Variants in FAT1 observed in about 807,000 individuals in gnomAD.
The protein encoded by FAT1 is protocadherin Fat 1.
FAT1 carries 171 observed loss-of-function variants against 329.8 expected under a neutral mutation model. That is an observed-to-expected ratio of 0.52 (90% CI 0.46 to 0.59). The LOEUF is 0.59. Among genes scored for constraint, FAT1 ranks in the 20% least tolerant of loss-of-function variants. The probability of loss-of-function intolerance (pLI) is 0.00; values close to 1 mark genes in which losing one functional copy is unlikely to be tolerated. For synonymous variants in FAT1, 2,233 were observed against 2,228.6 expected, an observed-to-expected ratio of 1.00 and a Z score of -0.06; for missense variants, 5,672 against 5,774.4, an observed-to-expected ratio of 0.98 and a Z score of 0.57.
At chr4:186,599,190 T>C (rs1339712088) in intron 22 of FAT1, among the ~76,000 whole-genome samples, 1 of 152,200 alleles carries the variant, frequency 6.6e-6, no homozygotes, top group East Asian at 1.9e-4. Context: ...GGGGATGGCC[T>C]GGCCCACTCT....
At chr4:186,622,845 C>T (rs1403981167) in intron 9 of FAT1, among the ~76,000 whole-genome samples, 1 of 152,148 alleles carries the variant, frequency 6.6e-6, no homozygotes, top group Non-Finnish European at 1.5e-5. Flanking sequence ...ATTTATTTTC[C>T]CCAAATGAAC....
chr4:186,707,336 A>G lies in FAT1; in HGVS notation c.2492T>C (p.Val831Ala), dbSNP rs1448535847. The change falls in exon 2 of 27, where the codon GTG becomes GCG. Residue 831 changes from valine (V) to alanine (A), a missense_variant. Coordinates refer to ENST00000441802, the MANE Select transcript of FAT1 (RefSeq NM_005245.4). The part of the protein sequence containing the change: ...EFLQESYFVE[V>A]SEDKEVHSEI... ...ACTATGTACCTCCTTGTCTTCACTC[A>G]CTTCCACAAAATAGCTCTCCTGTAA... 2 of 1,613,774 alleles carry G rather than the reference A, an allele frequency of 1.2e-6. No individual in the cohort carries two copies. The highest frequency in any genetic ancestry group is 3.3e-5 in the Admixed American group (2 of 59,982).
In FAT1 at chr4:186,707,186, C is replaced by T. The variant is rs536104649; in HGVS notation, c.2642G>A (p.Arg881His). Residue 881 changes from arginine to histidine, a missense_variant, in exon 2 of 27, where the codon CGC becomes CAC. Physicochemically the swap from Arg to His is conservative, Grantham distance 29. Coordinates refer to ENST00000441802, the MANE Select transcript of FAT1 (RefSeq NM_005245.4). ...DSVTGVVNIA[R>H]PLDRELQHEH... is the part of the protein sequence containing the mutation. ...ATGCTGCAGCTCTCGATCCAGAGGG[C>T]GTGCGATGTTAACAACACCCGTCAC... 1.2e-5 allele frequency: 19 copies of T among 1,613,894 alleles called. No individual in the cohort carries two copies. The highest frequency in any genetic ancestry group is 1.5e-5 in the Non-Finnish European group (18 of 1,179,890).
At chr4:186,700,889 T>C (rs921283890) in intron 2 of FAT1, among the ~76,000 whole-genome samples, 4 of 152,154 alleles carry the variant, frequency 2.6e-5, no homozygotes, top group Non-Finnish European at 4.4e-5. Flanking sequence ...CCAGTGTCAT[T>C]ACCACTGACA....
intron 2 of FAT1, among the ~76,000 whole-genome samples, chr4:186,680,006 T>G (rs866290924): frequency 1.3e-5 from 2 of 152,228 alleles, no homozygotes; most frequent in African/African-American, 4.8e-5. Flanking sequence ...CTGCTAACTG[T>G]ACCCATTAAT....
intron 3 of FAT1, among the ~76,000 whole-genome samples, chr4:186,654,624 T>C (rs551915970): frequency 2.0e-5 from 3 of 152,168 alleles, no homozygotes; most frequent in Non-Finnish European, 2.9e-5. Flanking sequence ...ATTTTTACTC[T>C]ACAGGTTGGG....
intron 2 of FAT1, among the ~76,000 whole-genome samples, chr4:186,692,544 C>A (rs902134508): frequency 2.6e-5 from 4 of 152,106 alleles, no homozygotes; most frequent in Non-Finnish European, 5.9e-5. Flanking sequence ...GATCTCCTGA[C>A]CTCGTGATCC....
rs1742282995 is a variant in FAT1, at chr4:186,663,541, T to G, written c.3338A>C (p.Asp1113Ala). The stretch of plus-strand genomic sequence containing the variant: ...CGATGAAAGAGGCACGACACCCTGA[T>G]CGGTTGCAAAGACTGTTAGCCAATA... ...SHYWLTVFAT[D>A]QGVVPLSSFI... The change falls in exon 3 of 27, where the codon GAT (aspartate) becomes GCT (alanine). Residue 1113 changes from aspartate (D) to alanine (A), a missense_variant. Physicochemically the swap from Asp to Ala is moderately radical, Grantham distance 126 (BLOSUM62 -2). Transcript: ENST00000441802. 4 of 1,613,758 alleles carry G rather than the reference T, an allele frequency of 2.5e-6. No homozygotes were observed. Among genetic ancestry groups the G allele is most frequent in the East Asian group, 2.2e-5 (1 of 44,876 alleles).
rs1415321227 is a variant in FAT1, at chr4:186,709,848, G to A, written c.-18-3C>T. ...CCCATTGCTTAACTGTCGGGAATCT[G>A]AAACAGAAGAAATCAGAATCGTTAC... On this transcript the variant is annotated splice_polypyrimidine_tract_variant and splice_region_variant and intron_variant, in intron 1 of 26. Coordinates refer to ENST00000441802, the MANE Select transcript of FAT1 (RefSeq NM_005245.4). The A allele has an allele frequency of 4.5e-6, 7 of 1,569,670 alleles. No homozygotes were observed. Among genetic ancestry groups the A allele is most frequent in the African/African-American group, 1.4e-5 (1 of 74,026 alleles).
chr4:186,711,270 G>C (rs555007872), intron 1 of FAT1, among the ~76,000 whole-genome samples: 1 of 152,122 alleles, frequency 6.6e-6, no homozygotes, highest in Non-Finnish European at 1.5e-5. Flanking sequence ...AATTGATATT[G>C]AACCACGTTC....
chr4:186,597,056 A>G lies in FAT1; in HGVS notation c.12484T>C (p.Cys4162Arg). Residue 4162 changes from cysteine to arginine, a missense_variant, in exon 25 of 27, where the codon TGC becomes CGC. By Grantham distance (180) the Cys-to-Arg change is radical. Coordinates refer to ENST00000441802, the MANE Select transcript of FAT1 (RefSeq NM_005245.4). ...NCSHEYRGRH[C>R]EDAAPNQYVS... ...TACTGGTTGGGCGCAGCATCCTCGCAGTGACGTCCCCTGTACTCGTGGCTG... is the reference window on the plus strand; with the variant it reads ...TACTGGTTGGGCGCAGCATCCTCGCGGTGACGTCCCCTGTACTCGTGGCTG... The G allele has an allele frequency of 6.2e-7, 1 of 1,614,022 alleles. No homozygotes were observed. Among genetic ancestry groups the G allele is most frequent in the African/African-American group, 1.3e-5 (1 of 75,058 alleles).
At chr4:186,706,269 C>T (rs1579481668) in intron 2 of FAT1, among the ~76,000 whole-genome samples, 1 of 152,144 alleles carries the variant, frequency 6.6e-6, no homozygotes, top group East Asian at 1.9e-4. Flanking sequence ...TAATAGAGTT[C>T]AAAATAGAGT....
intron 20 of FAT1, 94 bp from the exon 21 acceptor site, chr4:186,601,520 G>C: frequency 1.0e-6 from 1 of 979,262 alleles, no homozygotes; most frequent in Non-Finnish European, 1.5e-6. Flanking sequence ...ACTGATTTAG[G>C]GTTTTATTTA....
intron 11 of FAT1, among the ~76,000 whole-genome samples, chr4:186,616,604 A>G (rs1579324700): frequency 1.3e-5 from 2 of 152,234 alleles, no homozygotes; most frequent in East Asian, 3.9e-4. Flanking sequence ...CACGCTGTCC[A>G]CCTCTGAGCT....
chr4:186,638,286 T>C (rs546695170), intron 4 of FAT1, among the ~76,000 whole-genome samples: 23 of 152,298 alleles, frequency 1.5e-4, no homozygotes, highest in Admixed American at 4.6e-4. Context: ...ACCTAGCCTT[T>C]GATATTCACG....
chr4:186,707,067 T>C lies in FAT1; in HGVS notation c.2761A>G (p.Asn921Asp). 6.2e-7 allele frequency: 1 copy of C among 1,613,962 alleles called. No homozygotes were observed. The highest frequency in any genetic ancestry group is 8.5e-7 in the Non-Finnish European group (1 of 1,179,882). ...GGAATAAATGTAGGTGGGTTGTCAT[T>C]AACATCTTCTAGTGATACTTTCACA... is the stretch of plus-strand genomic sequence containing the variant. ...VVVKVSLEDVNDNPPTFIPPN... is the reference protein window; with the variant it reads ...VVVKVSLEDVDDNPPTFIPPN... The change falls in exon 2 of 27, where the codon AAT becomes GAT. Residue 921 changes from asparagine to aspartate, a missense_variant. This residue lies in a region of FAT1 where 3,966 missense variants were observed against 3,915.2 expected (regional missense o/e 1.01). Coordinates refer to ENST00000441802, the MANE Select transcript of FAT1 (RefSeq NM_005245.4).
Position 186,596,274 on chromosome 4 carries a change from G to A in FAT1, c.13000+266C>T, listed in dbSNP as rs1308710546. On this transcript the variant is annotated intron_variant, in intron 25 of 26. Transcript: ENST00000441802. This position sits in a 1 kb window ranked among gnomAD's most constrained non-coding sequence, Gnocchi z 4.7. ...AATAAACTCAAAAAATTATAGATGA[G>A]AACCTTTATCAATTATAAAATGAAA... Among the ~76,000 whole-genome samples the A allele has an allele frequency of 1.4e-4, 21 of 152,018 alleles. No individual in the cohort carries two copies. Among genetic ancestry groups the A allele is most frequent in the Admixed American group, 1.4e-3 (21 of 15,260 alleles).
chr4:186,709,039 T>C lies in FAT1; in HGVS notation c.789A>G (p.Ser263=). 6.2e-7 allele frequency: 1 copy of C among 1,614,022 alleles called. No homozygotes were observed. Among genetic ancestry groups the C allele is most frequent in the Non-Finnish European group, 8.5e-7 (1 of 1,179,888 alleles). ...CAPVITAVTL[S]PSELDRDPAY... is the part of the protein sequence containing the mutation. ...CTGGGTCCCTGTCCAGTTCTGATGGTGACAATGTCACTGCTGTTATCACCG... is the reference window on the plus strand; with the variant it reads ...CTGGGTCCCTGTCCAGTTCTGATGGCGACAATGTCACTGCTGTTATCACCG... Residue 263 remains serine (S), a synonymous_variant, in exon 2 of 27, where the codon TCA becomes TCG. Transcript: ENST00000441802.
intron 2 of FAT1, among the ~76,000 whole-genome samples, chr4:186,668,764 T>C (rs1262538163): frequency 6.6e-6 from 1 of 152,164 alleles, no homozygotes; most frequent in Non-Finnish European, 1.5e-5. Flanking sequence ...CTCAATTCCA[T>C]AGAGAGAAAC....
Sources: gnomAD v4.1 joint callset for allele counts (sites outside exome capture counted in the v4.1 genomes callset) on GRCh38, gnomAD v4.1.1 for gene constraint, gnomAD v4.1.1 regional missense constraint, Gnocchi (gnomAD v3.1) non-coding constraint, MANE v1.5 for transcripts, NCBI Gene and HGNC (gene_info 2026-07-23, HGNC 2026-07-21) for gene names.